Variants in ZAN observed in about 807,000 individuals in gnomAD.
The protein encoded by ZAN is zonadhesin (gene/pseudogene).
A neutral mutation model predicts 286.2 loss-of-function variants in ZAN; 260 were observed. That is an observed-to-expected ratio of 0.91 (90% CI 0.82 to 1.01). The LOEUF is 1.01. Ranked by LOEUF, ZAN falls within the 50% of genes least tolerant of loss-of-function variation. ZAN has a pLI of 0.00. For missense variants in ZAN, 3,410 were observed against 3,639.2 expected (o/e 0.94, Z 1.62); for synonymous variants, 1,368 against 1,417.5 (o/e 0.97, Z 0.79).
chr7:100,755,332 C>G lies in ZAN; in HGVS notation c.3231C>G (p.Asn1077Lys), dbSNP rs760744132. ...GPLCREGCVC[N>K]PGFLFSDNHC... ...TCTGTCGGGAGGGCTGTGTCTGCAA[C>G]CCTGGCTTTTTGTTTAGTGACAACC... Residue 1077 changes from asparagine to lysine, a missense_variant, in exon 15 of 48, where the codon AAC becomes AAG. By Grantham distance (94) the Asn-to-Lys change is moderately conservative (BLOSUM62 0). This residue lies in a region of ZAN where 1,042 missense variants were observed against 1,058.0 expected (regional missense o/e 0.98). Coordinates refer to ENST00000613979, the MANE Select transcript of ZAN (RefSeq NM_003386.3). 5 of 1,613,896 alleles carry G rather than the reference C, an allele frequency of 3.1e-6. No individual in the cohort carries two copies.
At position 100,755,415 on chromosome 7, in the gene ZAN, GC is replaced by G; in HGVS notation, c.3309+11del. On this transcript the variant is annotated splice_donor_region_variant and intron_variant, in intron 15 of 47. Coordinates refer to ENST00000613979, the MANE Select transcript of ZAN (RefSeq NM_003386.3). ...TACAACAACGACTACTATGAGGTAAGCCCCCCGGGATGCTGGGGTCCCATGA... is the reference window on the plus strand; with the variant it reads ...TACAACAACGACTACTATGAGGTAAGCCCCCGGGATGCTGGGGTCCCATGA... 6.2e-7 allele frequency: 1 copy of G among 1,611,958 alleles called. No individual in the cohort carries two copies. Among genetic ancestry groups the G allele is most frequent in the Non-Finnish European group, 8.5e-7 (1 of 1,178,904 alleles).
At chr7:100,785,083 C>T (rs1811472618) in intron 36 of ZAN, among the ~76,000 whole-genome samples, 2 of 152,164 alleles carry the variant, frequency 1.3e-5, no homozygotes, top group African/African-American at 4.8e-5. Flanking sequence ...GGGCTCATTT[C>T]AGCCTAACCT....
At chr7:100,744,662 T>G (rs564574024) in intron 7 of ZAN, among the ~76,000 whole-genome samples, 19 of 151,402 alleles carry the variant, frequency 1.3e-4, no homozygotes, top group Non-Finnish European at 2.4e-4. Flanking sequence ...TGGCCCCACC[T>G]TCACTGAAAG....
chr7:100,754,415 T>C (rs958959037), intron 14 of ZAN, among the ~76,000 whole-genome samples: 2 of 151,806 alleles, frequency 1.3e-5, no homozygotes, highest in African/African-American at 4.8e-5. Context: ...GCCGAGATCA[T>C]GCCACCGCAC....
rs369474648 is a variant in ZAN at position 100,747,590 on chromosome 7, G to C, written c.972G>C (p.Gly324=). 3 of 1,613,778 alleles carry C rather than the reference G, an allele frequency of 1.9e-6. No homozygotes were observed. The highest frequency in any genetic ancestry group is 2.5e-6 in the Non-Finnish European group (3 of 1,179,830). Residue 324 remains glycine (G), a synonymous_variant, in exon 9 of 48, where the codon GGG becomes GGC. Transcript: ENST00000613979. Reference sequence around the variant, plus strand: ...ACACTCTCTTCTCAGGACAACCTGGGCCCAACTGGCAGGCTGTTTCTGTCA... The same window carrying C: ...ACACTCTCTTCTCAGGACAACCTGGCCCCAACTGGCAGGCTGTTTCTGTCA... ...RKHTLFSGQP[G]PNWQAVSVNY...
chr7:100,772,325 G>A (rs188422052), intron 29 of ZAN, among the ~76,000 whole-genome samples: 1 of 150,196 alleles, frequency 6.7e-6, no homozygotes, highest in East Asian at 2.0e-4. Context: ...AGCTACTCAA[G>A]AGGCTGAGGT....
At chr7:100,747,516 A>G (rs1407631852) in intron 8 of ZAN, 34 bp from the exon 9 acceptor site, 3 of 1,599,016 alleles carry the variant, frequency 1.9e-6, no homozygotes, top group Admixed American at 1.7e-5. Flanking sequence ...AGTCCCCTTA[A>G]GCTCACTTCT....
chr7:100,753,389 G>A (rs1808920996), intron 14 of ZAN, among the ~76,000 whole-genome samples, 160 bp downstream of exon 14: 1 of 152,250 alleles, frequency 6.6e-6, no homozygotes, highest in South Asian at 2.1e-4. Context: ...GACTTCAGAG[G>A]AAATGGGGAG....
rs114287052 is a variant in ZAN at position 100,789,287 on chromosome 7, C to T, written c.7297C>T (p.Arg2433Trp). 2.6e-4 allele frequency: 418 copies of T among 1,613,856 alleles called. 1 individual carries two copies. In the African/African-American group the frequency reaches 5.1e-3, roughly 20 times the overall value. Residue 2433 changes from arginine (R) to tryptophan (W), a missense_variant, in exon 39 of 48, where the codon CGG (arginine) becomes TGG (tryptophan). By Grantham distance (101) the Arg-to-Trp change is moderately radical. Transcript: ENST00000613979. ...CCTGCGGGTCACCCTGTGGGGCCAA[C>T]GGCTCTACCTGGTCACCGACTTTGA... is the stretch of plus-strand genomic sequence containing the variant. ...EHLRVTLWGQ[R>W]LYLVTDFELV...
intron 14 of ZAN, among the ~76,000 whole-genome samples, chr7:100,753,668 T>TAAAA (rs367810068): frequency 5.0e-5 from 7 of 140,840 alleles, no homozygotes; most frequent in African/African-American, 1.8e-4. Flanking sequence ...ACTTTAAAAT[T>TAAAA]AAAAAAAAAA....
chr7:100,766,400 G>A (rs1303187719), intron 23 of ZAN, 125 bp from the exon 24 acceptor site: 1 of 1,211,580 alleles, frequency 8.3e-7, no homozygotes, highest in African/African-American at 1.5e-5. Context: ...CAGGAAGAGA[G>A]GATGTCTCCC....
chr7:100,796,157 TTC>T (rs751348224), intron 45 of ZAN, among the ~76,000 whole-genome samples: 4 of 152,048 alleles, frequency 2.6e-5, no homozygotes, highest in Non-Finnish European at 5.9e-5. Flanking sequence ...CTGTGAAATC[TTC>T]TCTCTGAAGC....
intron 14 of ZAN, among the ~76,000 whole-genome samples, chr7:100,754,657 C>T (rs2115878502): frequency 6.6e-6 from 1 of 151,824 alleles, no homozygotes; most frequent in Non-Finnish European, 1.5e-5. Flanking sequence ...GCCTGCACCA[C>T]CACGACTGGC....
At position 100,752,637 on chromosome 7, in the gene ZAN, C is replaced by T. The variant is rs758260972; in HGVS notation, c.2532C>T (p.Thr844=). The T allele has an allele frequency of 5.0e-6, 8 of 1,612,286 alleles. No homozygotes were observed. In the Admixed American group the frequency reaches 1.3e-4, roughly 27 times the overall value. The change falls in exon 14 of 48, where the codon ACC becomes ACT. Residue 844 remains threonine, a synonymous_variant. Transcript: ENST00000613979. ...EETTISTEKL[T]IPMEKPTIST... is the part of the protein sequence containing the mutation. Reference sequence around the variant, plus strand: ...CTACCATCTCTACAGAAAAACTCACCATCCCCATGGAAAAACCCACCATCT... The same window carrying T: ...CTACCATCTCTACAGAAAAACTCACTATCCCCATGGAAAAACCCACCATCT...
chr7:100,755,478 A>G, intron 15 of ZAN, 68 bp downstream of exon 15: 1 of 1,560,316 alleles, frequency 6.4e-7, no homozygotes, highest in South Asian at 1.2e-5. Flanking sequence ...TTCCAGCTCC[A>G]TCTGCTCCCC....
intron 42 of ZAN, 47 bp downstream of exon 42, chr7:100,792,526 C>T (rs1292220540): frequency 5.6e-6 from 9 of 1,610,180 alleles, no homozygotes; most frequent in South Asian, 2.2e-5. Flanking sequence ...GGCTGGCTGG[C>T]GGGACCGCAC....
At chr7:100,762,419 CTT>C (rs869138443) in intron 20 of ZAN, 61 bp downstream of exon 20, 214,741 of 994,688 alleles carry the variant, frequency 0.22, 3,505 homozygotes, top group East Asian at 0.29. Context: ...CTGGAACTCT[CTT>C]TTTTTTTTTT....
At chr7:100,742,209 C>T (rs1309024531) in intron 7 of ZAN, among the ~76,000 whole-genome samples, 2 of 114,954 alleles carry the variant, frequency 1.7e-5, no homozygotes, top group Admixed American at 8.2e-5. Context: ...CGGGCAGAAG[C>T]GCTCCTCACA....
At position 100,784,841 on chromosome 7, in the gene ZAN, G is replaced by A; in HGVS notation, c.6834+7G>A. The stretch of plus-strand genomic sequence containing the variant: ...CCATGGTGGCTCCATCCCTGTGAGT[G>A]GGCATGGGAAATGGGACTGGAGGCA... On this transcript the variant is annotated splice_region_variant and intron_variant, in intron 36 of 47. Coordinates refer to ENST00000613979, the MANE Select transcript of ZAN (RefSeq NM_003386.3). 1.3e-6 allele frequency: 2 copies of A among 1,580,398 alleles called. No homozygotes were observed. Among genetic ancestry groups the A allele is most frequent in the Admixed American group, 3.5e-5 (2 of 56,788 alleles).
Sources: allele counts gnomAD v4.1 joint callset (sites outside exome capture counted in the v4.1 genomes callset), GRCh38; gene constraint gnomAD v4.1.1; regional missense constraint gnomAD v4.1.1; transcripts MANE v1.5; gene names NCBI Gene and HGNC (gene_info 2026-07-23, HGNC 2026-07-21).